Variants in NHS observed in about 807,000 individuals in gnomAD.
The protein encoded by NHS is NHS actin remodeling regulator.
A neutral mutation model predicts 72.5 loss-of-function variants in NHS; 5 were observed. The observed-to-expected ratio is 0.07, with a 90% CI of 0.04 to 0.14. The LOEUF (loss-of-function observed/expected upper bound fraction) is 0.14, where lower values mean the gene tolerates loss of function less well. Among genes scored for constraint, NHS ranks in the 10% least tolerant of loss-of-function variants. The pLI, the probability that NHS is intolerant of heterozygous loss-of-function variation, is 1.00. For synonymous variants in NHS, 464 were observed against 547.7 expected (o/e 0.85, Z 2.13); for missense variants, 1,072 against 1,355.7 (o/e 0.79, Z 3.29).
chrX:17,686,072 C>T (rs774835387), intron 1 of NHS, among the ~76,000 whole-genome samples: 2 of 111,909 alleles, frequency 1.8e-5, no homozygotes, highest in Non-Finnish European at 3.8e-5. Context: ...TTGCCCAACT[C>T]CTTTCACTCC....
At chrX:17,506,501 A>G (rs771226296) in intron 1 of NHS, among the ~76,000 whole-genome samples, 5 of 108,739 alleles carry the variant, frequency 4.6e-5, no homozygotes, top group African/African-American at 1.7e-4. Context: ...ACTGCACTCC[A>G]GCCTGGGCGA....
At chrX:17,445,837 TAA>T (rs775287353) in intron 1 of NHS, among the ~76,000 whole-genome samples, 2 of 86,681 alleles carry the variant, frequency 2.3e-5, no homozygotes, top group Non-Finnish European at 2.3e-5. Flanking sequence ...TGACAACATT[TAA>T]AAAAAAAAAA....
chrX:17,391,630 T>C (rs940928362), intron 1 of NHS, among the ~76,000 whole-genome samples: 1 of 111,710 alleles, frequency 9.0e-6, no homozygotes, highest in Non-Finnish European at 1.9e-5. Flanking sequence ...CATGGTGAAA[T>C]GGGAAGAGAA....
chrX:17,651,644 C>T (rs1013864682), intron 1 of NHS, among the ~76,000 whole-genome samples: 1 of 111,690 alleles, frequency 9.0e-6, no homozygotes, highest in Non-Finnish European at 1.9e-5. Flanking sequence ...TTTTATGTGC[C>T]AAGGCTGGAG....
At chrX:17,431,645 C>A (rs1255879913) in intron 1 of NHS, among the ~76,000 whole-genome samples, 1 of 111,592 alleles carries the variant, frequency 9.0e-6, no homozygotes, top group African/African-American at 3.3e-5. Context: ...GGGCATGGCA[C>A]ACTGAGGGGA....
chrX:17,412,471 C>T (rs1396309717), intron 1 of NHS, among the ~76,000 whole-genome samples: 1 of 110,076 alleles, frequency 9.1e-6, no homozygotes, highest in Non-Finnish European at 1.9e-5. Context: ...GTGGCATGCA[C>T]CTGTAGTCCC....
chrX:17,503,875 A>G (rs1250930009), intron 1 of NHS, among the ~76,000 whole-genome samples: 2 of 111,317 alleles, frequency 1.8e-5, no homozygotes, highest in African/African-American at 3.3e-5. Flanking sequence ...TGTGATCCCA[A>G]CATTGAGGAG....
In NHS at chrX:17,539,964, G is replaced by C. The variant is rs145100200; in HGVS notation, c.566-147778G>C. ...TCAGCCTGGATCCCTGAGTAATCAT[G>C]TGGAACAGAGGCTTCCACTATCCTG... On this transcript the variant is annotated intron_variant, in intron 1 of 8. Transcript: ENST00000676302. 9.2e-3 allele frequency among the ~76,000 whole-genome samples: 1,034 copies of C among 112,308 alleles called. 10 individuals are homozygous for C. The highest frequency in any genetic ancestry group is 0.032 in the African/African-American group (996 of 30,898).
intron 1 of NHS, among the ~76,000 whole-genome samples, chrX:17,561,570 GCGCGCA>G (rs1423629992): frequency 2.2e-4 from 14 of 63,164 alleles, no homozygotes; most frequent in African/African-American, 6.4e-4. Context: ...GCGCGCGCGC[GCGCGCA>G]CACACACACA....
chrX:17,681,841 A>T (rs2066130925), intron 1 of NHS, among the ~76,000 whole-genome samples: 1 of 111,986 alleles, frequency 8.9e-6, no homozygotes, highest in Non-Finnish European at 1.9e-5. Flanking sequence ...ACACACAGAT[A>T]TGTTCTCCTG....
chrX:17,598,488 T>C (rs760641682), intron 1 of NHS, among the ~76,000 whole-genome samples: 33 of 112,433 alleles, frequency 2.9e-4, no homozygotes, highest in African/African-American at 9.7e-4. Flanking sequence ...AAAACACTTA[T>C]ATGATGCCTA....
At chrX:17,583,047 C>T (rs1425408116) in intron 1 of NHS, among the ~76,000 whole-genome samples, 1 of 111,858 alleles carries the variant, frequency 8.9e-6, no homozygotes, top group Admixed American at 9.5e-5. Context: ...TTTAACTGCT[C>T]TGGGAAGAAT....
intron 1 of NHS, chrX:17,528,520 G>A (rs2065183569): frequency 8.9e-6 from 1 of 112,079 alleles, no homozygotes; most frequent in African/African-American, 3.2e-5. Context: ...TCAGCATTAA[G>A]AAATAATCAC....
chrX:17,678,922 G>T (rs754350212), intron 1 of NHS, among the ~76,000 whole-genome samples: 13 of 111,831 alleles, frequency 1.2e-4, no homozygotes, highest in African/African-American at 2.9e-4. Context: ...AAAAGTAGCT[G>T]CTCAATACAA....
chrX:17,395,720 A>G (rs1443422693), intron 1 of NHS, among the ~76,000 whole-genome samples: 1 of 112,409 alleles, frequency 8.9e-6, no homozygotes, highest in East Asian at 2.8e-4. Context: ...GACACTACTG[A>G]TGGAACAATA....
At chrX:17,430,798 A>G (rs750383095) in intron 1 of NHS, among the ~76,000 whole-genome samples, 2 of 112,688 alleles carry the variant, frequency 1.8e-5, no homozygotes, top group South Asian at 7.3e-4. Flanking sequence ...TGTAGCATGT[A>G]TCAGTATTTC....
intron 1 of NHS, among the ~76,000 whole-genome samples, chrX:17,534,134 G>A (rs980300327): frequency 1.9e-4 from 20 of 106,921 alleles, no homozygotes; most frequent in African/African-American, 7.1e-4. Context: ...ATACACACGT[G>A]TGTCTACTCT....
intron 1 of NHS, among the ~76,000 whole-genome samples, chrX:17,648,239 T>C (rs1465995098): frequency 3.6e-5 from 4 of 111,708 alleles, no homozygotes; most frequent in South Asian, 7.6e-4. Context: ...AGAGTGGCCT[T>C]ATTCATGTCT....
At chrX:17,550,021 G>T (rs1739532595) in intron 1 of NHS, among the ~76,000 whole-genome samples, 1 of 111,669 alleles carries the variant, frequency 9.0e-6, no homozygotes, top group Admixed American at 9.5e-5. Flanking sequence ...GCTTACTGTA[G>T]GGTCATGATT....
Sources: allele counts gnomAD v4.1 joint callset (sites outside exome capture counted in the v4.1 genomes callset), GRCh38; gene constraint gnomAD v4.1.1; transcripts MANE v1.5; gene names NCBI Gene and HGNC (gene_info 2026-07-23, HGNC 2026-07-21).